The following MRTFA variants were observed in gnomAD, a reference collection of about 807,000 sequenced individuals.
MRTFA encodes myocardin related transcription factor A.
In MRTFA, 20 loss-of-function variants were observed where a neutral mutation model predicts 83.5. That is an observed-to-expected ratio of 0.24 (90% CI 0.17 to 0.35). The LOEUF (loss-of-function observed/expected upper bound fraction) is 0.35. Among genes scored for constraint, MRTFA ranks in the 10% least tolerant of loss-of-function variants. MRTFA has a pLI of 1.00. For missense variants in MRTFA, 1,200 were observed against 1,224.7 expected (o/e 0.98, Z 0.30); for synonymous variants, 659 against 541.2 (o/e 1.22, Z -3.02).
chr22:40,501,955 A>G (rs1301287330), intron 3 of MRTFA, among the ~76,000 whole-genome samples: 170 of 93,282 alleles, frequency 1.8e-3, no homozygotes, highest in Non-Finnish European at 2.3e-3. Context: ...CTCACCTCCC[A>G]GACGGGGCGG....
At chr22:40,627,472 C>G (rs563929844) in intron 1 of MRTFA, among the ~76,000 whole-genome samples, 1 of 152,176 alleles carries the variant, frequency 6.6e-6, no homozygotes, top group Non-Finnish European at 1.5e-5. Context: ...TATAGTTTTC[C>G]ACCTCAGGAA....
Position 40,411,313 on chromosome 22 carries a change from C to A in MRTFA, c.*77G>T. On this transcript the variant is annotated 3_prime_UTR_variant, in exon 15 of 15. Transcript: ENST00000355630. The stretch of plus-strand genomic sequence containing the variant: ...CAAGACTCACAACCATGTGGAGAGG[C>A]CGAATCACGCAGGAGAGCCACGCAT... The A allele has an allele frequency of 6.9e-7, 1 of 1,441,762 alleles. No homozygotes were observed. The allele number at this position is 1,441,762 out of a possible 1,614,324, so 89.3% of individuals were successfully genotyped here. A position where few individuals can be genotyped will look rare whatever the true frequency, so the allele number is the denominator to read the frequency against.
intron 1 of MRTFA, among the ~76,000 whole-genome samples, chr22:40,606,878 C>T (rs1334647570): frequency 6.6e-6 from 1 of 152,154 alleles, no homozygotes; most frequent in Admixed American, 6.6e-5. Flanking sequence ...GCAGTGACTT[C>T]CTAACAAAGG....
rs527540551 is a variant in MRTFA at position 40,423,146 on chromosome 22, G to A, written c.927+390C>T. 2.0e-5 allele frequency among the ~76,000 whole-genome samples: 3 copies of A among 152,356 alleles called. No homozygotes were observed. The South Asian group carries it at 6.2e-4, about 32-fold the overall frequency. ...AGGCATTTCAGGCCAGGCCTTGAAG[G>A]AGGGGAACACCACTCAGTGGCACCT... On this transcript the variant is annotated intron_variant, in intron 9 of 14. Coordinates refer to ENST00000355630, the MANE Select transcript of MRTFA (RefSeq NM_020831.6).
At chr22:40,591,134 A>AAAAT (rs546585769) in intron 2 of MRTFA, among the ~76,000 whole-genome samples, 346 of 152,110 alleles carry the variant, frequency 2.3e-3, no homozygotes, top group Middle Eastern at 0.017. Flanking sequence ...ACTCCGTCTC[A>AAAAT]AAATAAATAA....
At chr22:40,466,713 T>G (rs566738110) in intron 3 of MRTFA, among the ~76,000 whole-genome samples, 2 of 152,302 alleles carry the variant, frequency 1.3e-5, no homozygotes, top group East Asian at 3.8e-4. Flanking sequence ...ACATAAGCAA[T>G]GGCTATTAAT....
At chr22:40,482,879 C>T (rs534505217) in intron 3 of MRTFA, among the ~76,000 whole-genome samples, 27 of 152,170 alleles carry the variant, frequency 1.8e-4, no homozygotes, top group African/African-American at 6.0e-4. Context: ...CCTATAATCC[C>T]AGCACTTTGT....
chr22:40,471,724 G>C (rs577886964), intron 3 of MRTFA, among the ~76,000 whole-genome samples: 1 of 151,800 alleles, frequency 6.6e-6, no homozygotes, highest in East Asian at 1.9e-4. Context: ...CTACAAAAAT[G>C]AGCCAGGCAT....
chr22:40,596,756 G>T (rs1052337645), intron 1 of MRTFA, among the ~76,000 whole-genome samples: 2 of 152,148 alleles, frequency 1.3e-5, no homozygotes, highest in African/African-American at 4.8e-5. Context: ...AGTGAGCCAA[G>T]ATCACACTGC....
At chr22:40,585,997 T>G (rs1160093693) in intron 2 of MRTFA, among the ~76,000 whole-genome samples, 1 of 152,194 alleles carries the variant, frequency 6.6e-6, no homozygotes, top group African/African-American at 2.4e-5. Context: ...AAGTATTATT[T>G]CATGAAACTT....
chr22:40,414,252 A>C (rs1247929548), intron 14 of MRTFA, among the ~76,000 whole-genome samples: 1 of 152,180 alleles, frequency 6.6e-6, no homozygotes, highest in African/African-American at 2.4e-5. Context: ...CTGAGGCAGG[A>C]GAATTGCTTG....
At chr22:40,570,346 C>T (rs932765967) in intron 2 of MRTFA, among the ~76,000 whole-genome samples, 2 of 151,494 alleles carry the variant, frequency 1.3e-5, no homozygotes, top group African/African-American at 4.9e-5. Flanking sequence ...GAGGCCGAGG[C>T]GGGTGGATCA....
chr22:40,477,013 C>T (rs981585854), intron 3 of MRTFA, among the ~76,000 whole-genome samples: 1 of 151,748 alleles, frequency 6.6e-6, no homozygotes, highest in African/African-American at 2.4e-5. Context: ...ATATTAGTTC[C>T]AAATAAATGC....
intron 1 of MRTFA, among the ~76,000 whole-genome samples, chr22:40,619,965 T>G (rs1053790393): frequency 1.3e-5 from 2 of 151,460 alleles, no homozygotes; most frequent in African/African-American, 4.9e-5. Flanking sequence ...CACAAAAGAT[T>G]TATTTATTTT....
chr22:40,437,995 G>A (rs1037426123), intron 4 of MRTFA, among the ~76,000 whole-genome samples: 5 of 152,194 alleles, frequency 3.3e-5, no homozygotes, highest in African/African-American at 1.2e-4. Flanking sequence ...AAGGTGACTA[G>A]TGACAGGAGG....
intron 3 of MRTFA, among the ~76,000 whole-genome samples, chr22:40,499,912 AC>A (rs1478861522): frequency 8.7e-5 from 10 of 115,284 alleles, no homozygotes; most frequent in African/African-American, 3.0e-4. Context: ...TTTCAAGTAG[AC>A]CTTTTTTTTT....
intron 1 of MRTFA, among the ~76,000 whole-genome samples, chr22:40,596,023 C>G (rs2056187890): frequency 6.6e-6 from 1 of 151,816 alleles, no homozygotes; most frequent in Admixed American, 6.6e-5. Flanking sequence ...TGATCCCACC[C>G]AGTCTCACAA....
chr22:40,499,718 T>G (rs1167949250), intron 3 of MRTFA, among the ~76,000 whole-genome samples: 1 of 152,178 alleles, frequency 6.6e-6, no homozygotes, highest in Non-Finnish European at 1.5e-5. Context: ...ACACTGGTCA[T>G]TTAAAGATTT....
intron 1 of MRTFA, among the ~76,000 whole-genome samples, chr22:40,610,212 A>C (rs1270839016): frequency 1.3e-5 from 2 of 151,618 alleles, no homozygotes; most frequent in African/African-American, 4.8e-5. Flanking sequence ...ATGCCCAGCT[A>C]ATATTTTATA....
Sources: allele counts gnomAD v4.1 joint callset (sites outside exome capture counted in the v4.1 genomes callset), GRCh38; gene constraint gnomAD v4.1.1; transcripts MANE v1.5; gene names NCBI Gene and HGNC (gene_info 2026-07-23, HGNC 2026-07-21).